SHROOM3: variants seen among roughly 807,000 people sequenced by gnomAD.
SHROOM3 encodes the protein protein Shroom3.
Under a neutral mutation model 138.6 loss-of-function variants are expected in SHROOM3, and 47 were observed. The ratio of observed to expected loss-of-function variants is 0.34; its 90% confidence interval spans 0.27 to 0.43. The LOEUF is 0.43. Among genes scored for constraint, SHROOM3 ranks in the 20% least tolerant of loss-of-function variants. The probability of loss-of-function intolerance (pLI) is 1.00; values close to 1 mark genes in which losing one functional copy is unlikely to be tolerated. For synonymous variants in SHROOM3, 1,062 were observed against 1,063.3 expected, an observed-to-expected ratio of 1.00 and a Z score of 0.02; for missense variants, 2,491 against 2,596.5, an observed-to-expected ratio of 0.96 and a Z score of 0.88.
chr4:76,709,980 C>T, intron 2 of SHROOM3, 176 bp from the exon 3 acceptor site: 1 of 676,340 alleles, frequency 1.5e-6, no homozygotes, highest in Non-Finnish European at 2.5e-6. Context: ...AGTGGATTCG[C>T]CTTCGTAGGG....
At chr4:76,566,532 C>A (rs545422685) in intron 2 of SHROOM3, among the ~76,000 whole-genome samples, 1 of 152,340 alleles carries the variant, frequency 6.6e-6, no homozygotes, top group Admixed American at 6.5e-5. Flanking sequence ...TTAAATACCA[C>A]CCCCTCCACA....
intron 2 of SHROOM3, among the ~76,000 whole-genome samples, chr4:76,640,398 G>A (rs940057765): frequency 6.6e-6 from 1 of 152,088 alleles, no homozygotes; most frequent in South Asian, 2.1e-4. Context: ...TGCTCTTCAC[G>A]CTCACCTGCT....
At chr4:76,495,756 G>A (rs1731952308) in intron 1 of SHROOM3, among the ~76,000 whole-genome samples, 1 of 152,214 alleles carries the variant, frequency 6.6e-6, no homozygotes, top group South Asian at 2.1e-4. Flanking sequence ...GAGCAATGTG[G>A]AGAATGGGAG....
In SHROOM3 at chr4:76,493,843, G is replaced by A. The variant is rs147031776; in HGVS notation, c.168+57623G>A. On this transcript the variant is annotated intron_variant, in intron 1 of 10. Coordinates refer to ENST00000296043, the MANE Select transcript of SHROOM3 (RefSeq NM_020859.4). The stretch of plus-strand genomic sequence containing the variant: ...AAAATACAAAAATTAGCCGGGCATG[G>A]TGGTGGCCACCTGTAATCCCAGCTA... 5.3e-3 allele frequency among the ~76,000 whole-genome samples: 805 copies of A among 152,250 alleles called. 8 individuals carry two copies. Among genetic ancestry groups the A allele is most frequent in the African/African-American group, 0.019 (773 of 41,540 alleles).
intron 1 of SHROOM3, among the ~76,000 whole-genome samples, chr4:76,523,424 A>G (rs1348252280): frequency 2.6e-5 from 4 of 152,158 alleles, no homozygotes; most frequent in Non-Finnish European, 5.9e-5. Context: ...GATATTACAG[A>G]GGGAGAGGGA....
chr4:76,491,904 A>T (rs1731858420), intron 1 of SHROOM3, among the ~76,000 whole-genome samples: 1 of 152,184 alleles, frequency 6.6e-6, no homozygotes, highest in African/African-American at 2.4e-5. Context: ...GTGGGAAATG[A>T]TCATCACAAT....
At chr4:76,648,308 A>G (rs1020881209) in intron 2 of SHROOM3, among the ~76,000 whole-genome samples, 2 of 152,218 alleles carry the variant, frequency 1.3e-5, no homozygotes, top group African/African-American at 4.8e-5. Flanking sequence ...AGCCTTGGTG[A>G]CAGAGTGATA....
intron 1 of SHROOM3, among the ~76,000 whole-genome samples, chr4:76,438,385 A>G (rs952965342): frequency 3.3e-5 from 5 of 152,240 alleles, no homozygotes; most frequent in Admixed American, 6.5e-5. Flanking sequence ...ATCTGGTCCA[A>G]TGTGCTCTGT....
chr4:76,780,580 CT>C lies in SHROOM3; in HGVS notation c.*1405del, dbSNP rs1413465464. The C allele has an allele frequency of 6.6e-6, 1 of 151,772 alleles. No individual in the cohort carries two copies. Among genetic ancestry groups the C allele is most frequent in the East Asian group, 1.9e-4 (1 of 5,194 alleles). The allele number at this position is 151,772 out of a possible 1,614,324, so 9.4% of individuals were successfully genotyped here. On this transcript the variant is annotated 3_prime_UTR_variant, in exon 11 of 11. Transcript: ENST00000296043. ...AAGGGAACCAAATGCTCCTTCTCCCCTTAGTACATTTTCATTACTTAATGAA... is the reference window on the plus strand; with the variant it reads ...AAGGGAACCAAATGCTCCTTCTCCCCTAGTACATTTTCATTACTTAATGAA...
chr4:76,769,336 TA>T (rs528844642), intron 9 of SHROOM3, among the ~76,000 whole-genome samples: 197 of 141,400 alleles, frequency 1.4e-3, no homozygotes, highest in Middle Eastern at 0.011. Flanking sequence ...TTTTTAGCAG[TA>T]AAAAAAAAAA....
chr4:76,781,536 G>GT lies in SHROOM3; in HGVS notation c.*2360dup, dbSNP rs1553955654. On this transcript the variant is annotated 3_prime_UTR_variant, in exon 11 of 11. Coordinates refer to ENST00000296043, the MANE Select transcript of SHROOM3 (RefSeq NM_020859.4). ...GAAAGCTTGTGACACTCCTAGGATT[G>GT]TGTCCATTCTTTCATTATGTGGAAA... 7 of 152,198 alleles carry GT rather than the reference G, an allele frequency of 4.6e-5. No individual in the cohort carries two copies. Among genetic ancestry groups the GT allele is most frequent in the Non-Finnish European group, 1.0e-4 (7 of 68,030 alleles). 9.4% of individuals were successfully genotyped at this position (152,198 alleles called of 1,614,324 possible). A position where few individuals can be genotyped will look rare whatever the true frequency, so the allele number is the denominator to read the frequency against.
intron 4 of SHROOM3, among the ~76,000 whole-genome samples, chr4:76,737,927 T>C (rs1051210940): frequency 3.5e-4 from 11 of 31,490 alleles, no homozygotes; most frequent in Admixed American, 1.3e-3. Context: ...GAGTTTACAG[T>C]GATTGATAGT....
intron 2 of SHROOM3, among the ~76,000 whole-genome samples, chr4:76,596,114 T>C (rs967496384): frequency 6.6e-6 from 1 of 152,208 alleles, no homozygotes; most frequent in Admixed American, 6.5e-5. Flanking sequence ...GGGTCAATGA[T>C]GGACCCCATG....
At position 76,756,936 on chromosome 4, in the gene SHROOM3, A is replaced by C. The variant is rs1373935329; in HGVS notation, c.5197A>C (p.Arg1733=). 6.2e-7 allele frequency: 1 copy of C among 1,613,954 alleles called. No homozygotes were observed. Among genetic ancestry groups the C allele is most frequent in the South Asian group, 1.1e-5 (1 of 91,066 alleles). Residue 1733 remains arginine, a splice_region_variant and synonymous_variant, in exon 8 of 11, where the codon AGG becomes CGG. Coordinates refer to ENST00000296043, the MANE Select transcript of SHROOM3 (RefSeq NM_020859.4). ...CAGCTCTTCAGGATGTGAAGGCAAGAGGTAAGTCCCTGGTGATGTCCTCAG... is the reference window on the plus strand; with the variant it reads ...CAGCTCTTCAGGATGTGAAGGCAAGCGGTAAGTCCCTGGTGATGTCCTCAG... ...TVSSSGCEGK[R]NEDKEAVSML...
chr4:76,606,822 A>T (rs1319019090), intron 2 of SHROOM3, among the ~76,000 whole-genome samples: 2 of 152,218 alleles, frequency 1.3e-5, no homozygotes, highest in Non-Finnish European at 2.9e-5. Context: ...AATTACATAC[A>T]TAGTATTGTA....
In SHROOM3 at chr4:76,754,765, CCTT is replaced by C; in HGVS notation, c.4285_4287del (p.Ser1429del). ...GGTCTCGCTGCCTCAGTGGCCACCT[CCTT>C]CTCGAGCAAAGTGGGCCCACGCAGC... is the stretch of plus-strand genomic sequence containing the variant. On this transcript the variant is annotated inframe_deletion, in exon 7 of 11. Transcript: ENST00000296043. 6.2e-7 allele frequency: 1 copy of C among 1,614,202 alleles called. No homozygotes were observed. Among genetic ancestry groups the C allele is most frequent in the South Asian group, 1.1e-5 (1 of 91,084 alleles).
In SHROOM3 at chr4:76,710,090, G is replaced by A; in HGVS notation, c.324-66G>A. ...TTTCATGTGCTTTTTCGGTTTTTAA[G>A]ATTCATTTGTGCTCCTGTCCATGAA... On this transcript the variant is annotated intron_variant, in intron 2 of 10. Transcript: ENST00000296043. 12 of 1,609,812 alleles carry A rather than the reference G, an allele frequency of 7.5e-6. 1 individual carries two copies. The South Asian group carries it at 1.3e-4, about 18-fold the overall frequency.
intron 1 of SHROOM3, among the ~76,000 whole-genome samples, chr4:76,546,634 T>A (rs1396588059): frequency 6.6e-6 from 1 of 152,250 alleles, no homozygotes; most frequent in East Asian, 1.9e-4. Context: ...ACGGCTTTGT[T>A]TGAGAGATTC....
chr4:76,703,314 A>G (rs1392983051), intron 2 of SHROOM3, among the ~76,000 whole-genome samples: 1 of 152,162 alleles, frequency 6.6e-6, no homozygotes, highest in African/African-American at 2.4e-5. Flanking sequence ...TAATGACTTA[A>G]AAAGGAAAAA....
Sources: gnomAD v4.1 joint callset for allele counts (sites outside exome capture counted in the v4.1 genomes callset) on GRCh38, gnomAD v4.1.1 for gene constraint, MANE v1.5 for transcripts, NCBI Gene and HGNC (gene_info 2026-07-23, HGNC 2026-07-21) for gene names.